The following TSPAN18 variants were observed in gnomAD, a reference collection of about 807,000 sequenced individuals.
The protein encoded by TSPAN18 is tetraspanin-18.
A neutral mutation model predicts 27.3 loss-of-function variants in TSPAN18; 14 were observed. That is an observed-to-expected ratio of 0.51 (90% CI 0.34 to 0.80). The LOEUF is 0.80. TSPAN18 is among the 30% of genes least tolerant of loss of function. TSPAN18 has a pLI of 0.01. For missense variants in TSPAN18, 268 were observed against 323.9 expected (o/e 0.83, Z 1.32); for synonymous variants, 143 against 136.5 (o/e 1.05, Z -0.33).
chr11:44,814,944 G>A (rs575613158), intron 2 of TSPAN18, among the ~76,000 whole-genome samples: 2 of 152,330 alleles, frequency 1.3e-5, no homozygotes, highest in East Asian at 3.9e-4. Context: ...CCTCTGATGG[G>A]AGAATATTGT....
chr11:44,735,709 T>G (rs1280600093), intron 1 of TSPAN18, among the ~76,000 whole-genome samples: 2 of 151,846 alleles, frequency 1.3e-5, no homozygotes, highest in African/African-American at 4.8e-5. Context: ...CTCCGCCTCC[T>G]GGGTTCATAC....
chr11:44,893,009 C>T (rs1351934824), intron 3 of TSPAN18, among the ~76,000 whole-genome samples: 2 of 152,250 alleles, frequency 1.3e-5, no homozygotes, highest in East Asian at 1.9e-4. Flanking sequence ...CTCGTTCTAG[C>T]TGTGCTGTGT....
intron 2 of TSPAN18, among the ~76,000 whole-genome samples, chr11:44,787,279 A>G (rs1856080260): frequency 6.6e-6 from 1 of 152,184 alleles, no homozygotes. Flanking sequence ...CATTTTACAG[A>G]TAAGGAAACT....
At chr11:44,845,814 G>A (rs1404334089) in intron 2 of TSPAN18, among the ~76,000 whole-genome samples, 1 of 152,230 alleles carries the variant, frequency 6.6e-6, no homozygotes, top group Non-Finnish European at 1.5e-5. Context: ...CAGTTGACAT[G>A]GAAGTGGGTG....
At chr11:44,739,899 G>A (rs1025950817) in intron 1 of TSPAN18, among the ~76,000 whole-genome samples, 1 of 152,274 alleles carries the variant, frequency 6.6e-6, no homozygotes, top group East Asian at 1.9e-4. Context: ...GTTCTCCTGG[G>A]TGGACCATGG....
At chr11:44,779,055 C>T (rs1217761736) in intron 2 of TSPAN18, among the ~76,000 whole-genome samples, 2 of 152,100 alleles carry the variant, frequency 1.3e-5, no homozygotes, top group Non-Finnish European at 1.5e-5. Context: ...GAGCTGTGGC[C>T]ACTGGGGATC....
At chr11:44,793,984 T>G (rs1419231179) in intron 2 of TSPAN18, among the ~76,000 whole-genome samples, 30 of 138,772 alleles carry the variant, frequency 2.2e-4, no homozygotes, top group African/African-American at 4.1e-4. Context: ...AACAGGGGGG[T>G]GGGGGGAGTT....
chr11:44,863,143 T>C (rs1191862376), intron 3 of TSPAN18, among the ~76,000 whole-genome samples: 1 of 152,212 alleles, frequency 6.6e-6, no homozygotes, highest in Non-Finnish European at 1.5e-5. Flanking sequence ...AAGGAGATGT[T>C]ACTGCTGCAC....
At position 44,906,473 on chromosome 11, in the gene TSPAN18, C is replaced by T; in HGVS notation, c.57C>T (p.Phe19=). ...MKYLMFVFNF[F]IFLGGACLLA... ...ATCTGATGTTTGTATTCAATTTCTTCATATTTGTAAGTATTCCTGGGTCTT... is the reference window on the plus strand; with the variant it reads ...ATCTGATGTTTGTATTCAATTTCTTTATATTTGTAAGTATTCCTGGGTCTT... Residue 19 remains phenylalanine (F), a synonymous_variant, in exon 4 of 10, where the codon TTC becomes TTT. Coordinates refer to ENST00000520358, the MANE Select transcript of TSPAN18 (RefSeq NM_130783.5). 6.2e-7 allele frequency: 1 copy of T among 1,614,072 alleles called. No individual in the cohort carries two copies. Among genetic ancestry groups the T allele is most frequent in the Non-Finnish European group, 8.5e-7 (1 of 1,179,894 alleles).
chr11:44,887,956 A>G (rs866194045), intron 3 of TSPAN18, among the ~76,000 whole-genome samples: 5 of 152,204 alleles, frequency 3.3e-5, no homozygotes, highest in Non-Finnish European at 2.9e-5. Flanking sequence ...TTTGGGATGG[A>G]TTATTGTCTT....
intron 5 of TSPAN18, among the ~76,000 whole-genome samples, chr11:44,915,815 A>G (rs1189178054): frequency 6.6e-6 from 1 of 152,166 alleles, no homozygotes; most frequent in African/African-American, 2.4e-5. Flanking sequence ...CAGCTTCCTC[A>G]ACTTCGAAAA....
At chr11:44,803,047 A>G (rs371458371) in intron 2 of TSPAN18, among the ~76,000 whole-genome samples, 1 of 152,146 alleles carries the variant, frequency 6.6e-6, no homozygotes, top group African/African-American at 2.4e-5. Flanking sequence ...TCCAGTCCCT[A>G]CTAGGTGTTA....
chr11:44,741,520 AT>A (rs1269900663), intron 1 of TSPAN18, among the ~76,000 whole-genome samples: 11 of 144,994 alleles, frequency 7.6e-5, no homozygotes, highest in African/African-American at 3.2e-4. Context: ...GGAAAAAAAA[AT>A]AATGATGATG....
chr11:44,851,610 T>TCA lies in TSPAN18; in HGVS notation c.-152-8716_-152-8715dup, dbSNP rs1554991739. 3.8e-3 allele frequency among the ~76,000 whole-genome samples: 422 copies of TCA among 111,502 alleles called. 10 individuals carry two copies. Among genetic ancestry groups the TCA allele is most frequent in the Non-Finnish European group, 8.3e-4 (43 of 51,578 alleles). The allele number at this position is 111,502 out of a possible 152,430, so 73.1% of individuals were successfully genotyped here. Reference sequence around the variant, plus strand: ...GTCTCTGTTAGCCCAGGTACTCTTGTCACCTCCCCCCCCCAACGGCTGGGT... The same window carrying TCA: ...GTCTCTGTTAGCCCAGGTACTCTTGTCACACCTCCCCCCCCCAACGGCTGGGT... On this transcript the variant is annotated intron_variant, in intron 2 of 9. Transcript: ENST00000520358.
intron 1 of TSPAN18, among the ~76,000 whole-genome samples, chr11:44,747,758 A>G (rs1855113687): frequency 6.6e-6 from 1 of 151,988 alleles, no homozygotes; most frequent in South Asian, 2.1e-4. Flanking sequence ...GCACACTCAC[A>G]CGCTACCTTC....
At chr11:44,892,956 C>T (rs1027812778) in intron 3 of TSPAN18, among the ~76,000 whole-genome samples, 1 of 152,204 alleles carries the variant, frequency 6.6e-6, no homozygotes, top group African/African-American at 2.4e-5. Context: ...TGGGAGGCTG[C>T]CTCAATTGGT....
chr11:44,786,616 C>A (rs1186874717), intron 2 of TSPAN18, among the ~76,000 whole-genome samples: 1 of 140,314 alleles, frequency 7.1e-6, no homozygotes, highest in Admixed American at 7.4e-5. Context: ...ACAGGATTAT[C>A]CACTTACTTT....
rs114791763 is a variant in TSPAN18, at chr11:44,919,378, G to A, written c.432+66G>A. ...CGATGCCCAGTGTTCACATGCCCAC[G>A]CCAGGCATCAGTAATCAATCCAGGC... On this transcript the variant is annotated intron_variant, in intron 7 of 9. Transcript: ENST00000520358. 1,197 of 1,348,788 alleles carry A rather than the reference G, an allele frequency of 8.9e-4. 7 individuals are homozygous for A. In the African/African-American group the frequency reaches 0.014, roughly 15 times the overall value. 83.6% of individuals were successfully genotyped at this position (1,348,788 alleles called of 1,614,324 possible).
chr11:44,777,506 A>T (rs1322815697), intron 2 of TSPAN18, among the ~76,000 whole-genome samples: 3 of 152,122 alleles, frequency 2.0e-5, no homozygotes, highest in African/African-American at 7.2e-5. Context: ...GGGGATGGGG[A>T]GGTTGCAGCT....
Sources: allele counts gnomAD v4.1 joint callset (sites outside exome capture counted in the v4.1 genomes callset), GRCh38; gene constraint gnomAD v4.1.1; transcripts MANE v1.5; gene names NCBI Gene and HGNC (gene_info 2026-07-23, HGNC 2026-07-21).